CDKAL1: variants seen among roughly 807,000 people sequenced by gnomAD.
CDKAL1 encodes CDKAL1 threonylcarbamoyladenosine tRNA methylthiotransferase, also known as threonylcarbamoyladenosine tRNA methylthiotransferase.
A neutral mutation model predicts 68.2 loss-of-function variants in CDKAL1; 32 were observed. The observed-to-expected ratio is 0.47, with a 90% CI of 0.35 to 0.63. The LOEUF (loss-of-function observed/expected upper bound fraction) is 0.63. Among genes scored for constraint, CDKAL1 ranks in the 30% least tolerant of loss-of-function variants. The pLI is 0.00. For synonymous variants in CDKAL1, 234 were observed against 244.3 expected, an observed-to-expected ratio of 0.96 and a Z score of 0.39; for missense variants, 606 against 696.7, an observed-to-expected ratio of 0.87 and a Z score of 1.47.
intron 13 of CDKAL1, among the ~76,000 whole-genome samples, chr6:21,153,853 C>T (rs1434071218): frequency 6.6e-6 from 1 of 152,160 alleles, no homozygotes; most frequent in Non-Finnish European, 1.5e-5. Flanking sequence ...CTGGAGAATG[C>T]AGGTCCTCTG....
intron 2 of CDKAL1, among the ~76,000 whole-genome samples, chr6:20,543,847 C>G (rs1198834389): frequency 6.7e-6 from 1 of 150,344 alleles, no homozygotes; most frequent in Non-Finnish European, 1.5e-5. Flanking sequence ...AGCAATTCTC[C>G]TGCCTCAGCC....
chr6:20,779,191 G>A, intron 7 of CDKAL1, among the ~76,000 whole-genome samples: 1 of 152,128 alleles, frequency 6.6e-6, no homozygotes, highest in East Asian at 1.9e-4. Context: ...CATTGCTGAT[G>A]GGAACATTAA....
chr6:20,794,284 A>C (rs535068097), intron 8 of CDKAL1, among the ~76,000 whole-genome samples: 74 of 152,056 alleles, frequency 4.9e-4, no homozygotes, highest in Non-Finnish European at 1.0e-3. Context: ...AAATATATCT[A>C]CTGTAAATAT....
intron 13 of CDKAL1, among the ~76,000 whole-genome samples, chr6:21,166,839 A>G (rs1231501475): frequency 6.6e-6 from 1 of 152,232 alleles, no homozygotes; most frequent in Admixed American, 6.5e-5. Flanking sequence ...TGTCTGTCTC[A>G]TGTGATGCTC....
chr6:20,770,178 G>C (rs1774879226), intron 7 of CDKAL1, among the ~76,000 whole-genome samples: 1 of 151,514 alleles, frequency 6.6e-6, no homozygotes, highest in African/African-American at 2.4e-5. Context: ...ATTTTTTATA[G>C]AAAATTCTGA....
At chr6:20,998,340 G>A (rs1252836689) in intron 10 of CDKAL1, among the ~76,000 whole-genome samples, 5 of 152,146 alleles carry the variant, frequency 3.3e-5, no homozygotes, top group African/African-American at 9.7e-5. Context: ...GGCCAGGCGC[G>A]GTGGCTCACG....
chr6:21,213,653 GTCT>G (rs1234365741), intron 15 of CDKAL1, among the ~76,000 whole-genome samples: 1 of 152,106 alleles, frequency 6.6e-6, no homozygotes, highest in Non-Finnish European at 1.5e-5. Flanking sequence ...TTCACTACAG[GTCT>G]TCTTCTCTTA....
intron 8 of CDKAL1, among the ~76,000 whole-genome samples, chr6:20,818,333 T>C (rs369241150): frequency 1.2e-4 from 18 of 152,150 alleles, no homozygotes; most frequent in Admixed American, 4.6e-4. Context: ...TCACATACTA[T>C]ACAGCAATAA....
intron 9 of CDKAL1, among the ~76,000 whole-genome samples, chr6:20,888,496 A>T (rs1489592098): frequency 1.5e-5 from 2 of 137,356 alleles, no homozygotes; most frequent in South Asian, 2.5e-4. Flanking sequence ...CATTAGGTAT[A>T]TCTCCTAATG....
At chr6:21,082,534 A>C (rs971145187) in intron 12 of CDKAL1, among the ~76,000 whole-genome samples, 6 of 152,240 alleles carry the variant, frequency 3.9e-5, no homozygotes, top group African/African-American at 1.4e-4. Context: ...TCTTATAAAC[A>C]GTAAAATAAG....
At chr6:20,827,078 T>A (rs1202630745) in intron 8 of CDKAL1, among the ~76,000 whole-genome samples, 1 of 152,164 alleles carries the variant, frequency 6.6e-6, no homozygotes, top group Non-Finnish European at 1.5e-5. Flanking sequence ...TATGTTATTA[T>A]TAAAGAGCTT....
At chr6:20,807,531 C>A (rs1291443020) in intron 8 of CDKAL1, among the ~76,000 whole-genome samples, 2 of 152,118 alleles carry the variant, frequency 1.3e-5, no homozygotes, top group Non-Finnish European at 2.9e-5. Context: ...TGAAATTTTT[C>A]TGAATGAAAA....
intron 13 of CDKAL1, among the ~76,000 whole-genome samples, chr6:21,145,729 C>T (rs1776132698): frequency 6.6e-6 from 1 of 152,174 alleles, no homozygotes; most frequent in South Asian, 2.1e-4. Flanking sequence ...AGCAGGATCC[C>T]ATCTCTACAA....
intron 10 of CDKAL1, among the ~76,000 whole-genome samples, chr6:20,989,129 G>A (rs1035054035): frequency 1.3e-4 from 19 of 151,692 alleles, no homozygotes; most frequent in Non-Finnish European, 5.9e-5. Context: ...ACGGTTTACC[G>A]CAGAAACAGT....
chr6:20,835,820 GATTATAGGC>G (rs1777915726), intron 8 of CDKAL1, among the ~76,000 whole-genome samples: 1 of 152,054 alleles, frequency 6.6e-6, no homozygotes, highest in African/African-American at 2.4e-5. Context: ...AAAGTCCTGG[GATTATAGGC>G]ATGAGTCACT....
chr6:20,799,163 C>T (rs1052478318), intron 8 of CDKAL1, among the ~76,000 whole-genome samples: 13 of 140,020 alleles, frequency 9.3e-5, no homozygotes, highest in Admixed American at 3.2e-4. Flanking sequence ...AGCAATTCTG[C>T]TGCCTCAGCC....
At chr6:20,691,662 T>A (rs1266349568) in intron 5 of CDKAL1, among the ~76,000 whole-genome samples, 2 of 151,970 alleles carry the variant, frequency 1.3e-5, no homozygotes, top group South Asian at 4.2e-4. Flanking sequence ...TTTGAGAAGG[T>A]TTTCAGTTGT....
In CDKAL1 at chr6:21,168,350, C is replaced by A. The variant is rs142899911; in HGVS notation, c.1300-29671C>A. ...ATTTGAGATTCAGTCAAGATGGGATCATTTTCAGGTTCCTAACATGTCAAG... is the reference window on the plus strand; with the variant it reads ...ATTTGAGATTCAGTCAAGATGGGATAATTTTCAGGTTCCTAACATGTCAAG... On this transcript the variant is annotated intron_variant, in intron 13 of 15. Transcript: ENST00000274695. 2.9e-3 allele frequency among the ~76,000 whole-genome samples: 434 copies of A among 152,256 alleles called. 1 individual carries two copies. Among genetic ancestry groups the A allele is most frequent in the African/African-American group, 0.01 (417 of 41,548 alleles).
intron 11 of CDKAL1, among the ~76,000 whole-genome samples, chr6:21,014,765 A>T (rs16884376): frequency 0.091 from 13,794 of 152,200 alleles, 708 homozygotes; most frequent in Non-Finnish European, 0.12. Flanking sequence ...TTTTGTTCTC[A>T]TATGGTGACA....
Sources: gnomAD v4.1 joint callset for allele counts (sites outside exome capture counted in the v4.1 genomes callset) on GRCh38, gnomAD v4.1.1 for gene constraint, MANE v1.5 for transcripts, NCBI Gene and HGNC (gene_info 2026-07-23, HGNC 2026-07-21) for gene names.